DCDC1: variants seen among roughly 807,000 people sequenced by gnomAD.
DCDC1 encodes the protein doublecortin domain containing 1, also known as doublecortin domain-containing protein 1.
DCDC1 carries 200 observed loss-of-function variants against 178.3 expected under a neutral mutation model. That is an observed-to-expected ratio of 1.12 (90% confidence interval 1.00 to 1.26). The LOEUF (loss-of-function observed/expected upper bound fraction) is 1.26. Ranked by LOEUF, DCDC1 falls within the 50% of genes most tolerant of loss-of-function variation. DCDC1 has a pLI of 0.00. For missense variants in DCDC1, 1,983 were observed against 1,749.2 expected (o/e 1.13, Z -2.38); for synonymous variants, 690 against 604.8 (o/e 1.14, Z -2.07).
chr11:31,364,273 C>T (rs1424156236), intron 1 of DCDC1, among the ~76,000 whole-genome samples: 7 of 151,988 alleles, frequency 4.6e-5, no homozygotes, highest in Non-Finnish European at 7.4e-5. Context: ...AATGCATATC[C>T]CCACATGACT....
intron 6 of DCDC1, among the ~76,000 whole-genome samples, chr11:31,296,746 C>G (rs1947710882): frequency 6.6e-6 from 1 of 152,138 alleles, no homozygotes; most frequent in Non-Finnish European, 1.5e-5. Flanking sequence ...CAAACACATC[C>G]TCTTCACAGT....
At chr11:31,035,995 G>C (rs1954001580) in intron 20 of DCDC1, among the ~76,000 whole-genome samples, 2 of 152,180 alleles carry the variant, frequency 1.3e-5, no homozygotes, top group East Asian at 3.8e-4. Context: ...TGGCCACTGA[G>C]AGATTTTTTC....
chr11:31,102,717 T>C (rs1404307712), intron 14 of DCDC1, among the ~76,000 whole-genome samples: 1 of 152,260 alleles, frequency 6.6e-6, no homozygotes, highest in African/African-American at 2.4e-5. Context: ...AGTCACTAGC[T>C]ACCTATTCCT....
At chr11:31,170,568 C>G (rs1382192691) in intron 9 of DCDC1, among the ~76,000 whole-genome samples, 1 of 152,122 alleles carries the variant, frequency 6.6e-6, no homozygotes, top group African/African-American at 2.4e-5. Flanking sequence ...TGATATTCCT[C>G]AAATAAAACA....
chr11:31,115,178 CTT>C (rs1351472030), intron 11 of DCDC1, among the ~76,000 whole-genome samples: 1 of 152,126 alleles, frequency 6.6e-6, no homozygotes, highest in African/African-American at 2.4e-5. Flanking sequence ...TATAGGGAAA[CTT>C]AAACTATATA....
intron 29 of DCDC1, 52 bp from the exon 30 acceptor site, chr11:30,906,777 G>A: frequency 2.0e-6 from 3 of 1,503,018 alleles, no homozygotes; most frequent in Non-Finnish European, 2.7e-6. Flanking sequence ...AATTGTTATA[G>A]CATTGCTGTA....
At chr11:30,939,034 G>T (rs1426000498) in intron 21 of DCDC1, among the ~76,000 whole-genome samples, 3 of 152,142 alleles carry the variant, frequency 2.0e-5, no homozygotes, top group Non-Finnish European at 4.4e-5. Context: ...TGGAACCACA[G>T]ACTGGGACTC....
At chr11:30,953,458 A>C (rs1340711492) in intron 20 of DCDC1, among the ~76,000 whole-genome samples, 1 of 151,836 alleles carries the variant, frequency 6.6e-6, no homozygotes, top group Non-Finnish European at 1.5e-5. Context: ...AATTATATCC[A>C]AAGATAAATT....
intron 12 of DCDC1, among the ~76,000 whole-genome samples, chr11:31,107,586 T>C (rs904365061): frequency 1.3e-5 from 2 of 152,226 alleles, no homozygotes; most frequent in African/African-American, 4.8e-5. Flanking sequence ...CATTTAATAT[T>C]TAAGATAATA....
rs981483007 is a variant in DCDC1 at position 31,290,864 on chromosome 11, T to C, written c.755-12A>G. The C allele has an allele frequency of 1.2e-6, 2 of 1,600,476 alleles. No homozygotes were observed. The highest frequency in any genetic ancestry group is 1.7e-6 in the Non-Finnish European group (2 of 1,175,658). On this transcript the variant is annotated splice_polypyrimidine_tract_variant and intron_variant, in intron 6 of 38. Transcript: ENST00000684477. ...TAACAACAGATGGTCTAGAAGATAATTTTTTAAGTCAAGTCAATATTTGGC... is the reference window on the plus strand; with the variant it reads ...TAACAACAGATGGTCTAGAAGATAACTTTTTAAGTCAAGTCAATATTTGGC...
chr11:31,097,653 CAAAATATCT>C (rs1399575244), intron 15 of DCDC1, among the ~76,000 whole-genome samples: 3 of 152,090 alleles, frequency 2.0e-5, no homozygotes, highest in African/African-American at 7.2e-5. Flanking sequence ...TCAAACACGG[CAAAATATCT>C]AAGATCTAAC....
At chr11:31,258,896 T>G (rs1455658952) in intron 8 of DCDC1, among the ~76,000 whole-genome samples, 1 of 152,142 alleles carries the variant, frequency 6.6e-6, no homozygotes, top group Admixed American at 6.6e-5. Flanking sequence ...CACCCTCAGT[T>G]GAGCATGGGG....
intron 11 of DCDC1, among the ~76,000 whole-genome samples, chr11:31,118,255 T>A (rs1223913528): frequency 6.6e-6 from 1 of 152,034 alleles, no homozygotes; most frequent in Non-Finnish European, 1.5e-5. Context: ...ATATCAAATA[T>A]GCCTGTAAAC....
chr11:30,960,040 G>A (rs531435018), intron 20 of DCDC1, among the ~76,000 whole-genome samples: 3 of 152,182 alleles, frequency 2.0e-5, no homozygotes, highest in Admixed American at 6.5e-5. Context: ...CAAAAGACAC[G>A]GGTGAGGAGC....
chr11:30,886,771 C>G (rs939008998), intron 36 of DCDC1, among the ~76,000 whole-genome samples: 2 of 151,228 alleles, frequency 1.3e-5, no homozygotes, highest in Admixed American at 6.6e-5. Context: ...TTTTTCTACT[C>G]CAAGGAAACC....
At chr11:31,172,685 G>A (rs1565382431) in intron 9 of DCDC1, among the ~76,000 whole-genome samples, 2 of 152,034 alleles carry the variant, frequency 1.3e-5, no homozygotes, top group Non-Finnish European at 2.9e-5. Context: ...CTAGAGAAAA[G>A]AAAATTATAT....
chr11:31,159,583 GAA>G (rs918373092), intron 9 of DCDC1, among the ~76,000 whole-genome samples: 5 of 152,176 alleles, frequency 3.3e-5, no homozygotes, highest in African/African-American at 4.8e-5. Context: ...ACTGAGAAAG[GAA>G]CTGATATTCA....
intron 9 of DCDC1, among the ~76,000 whole-genome samples, chr11:31,223,118 C>A (rs1165306740): frequency 1.3e-5 from 2 of 152,018 alleles, no homozygotes; most frequent in Admixed American, 6.6e-5. Context: ...CAGTCACCAA[C>A]TTAGACTCAA....
chr11:31,343,331 A>G (rs1033113995), intron 1 of DCDC1, among the ~76,000 whole-genome samples: 1 of 151,804 alleles, frequency 6.6e-6, no homozygotes, highest in African/African-American at 2.4e-5. Flanking sequence ...TTTGAGATGG[A>G]GTTTCACTCT....
Sources: allele counts gnomAD v4.1 joint callset (sites outside exome capture counted in the v4.1 genomes callset), GRCh38; gene constraint gnomAD v4.1.1; transcripts MANE v1.5; gene names NCBI Gene and HGNC (gene_info 2026-07-23, HGNC 2026-07-21).